CNOT10: variants seen among roughly 807,000 people sequenced by gnomAD.
CNOT10 encodes the protein CCR4-NOT transcription complex subunit 10.
CNOT10 carries 30 observed loss-of-function variants against 94.6 expected under a neutral mutation model. The observed-to-expected ratio is 0.32, with a 90% CI of 0.24 to 0.43. The LOEUF (loss-of-function observed/expected upper bound fraction) is 0.43, where lower values mean the gene tolerates loss of function less well. Ranked by LOEUF, CNOT10 falls within the 20% of genes least tolerant of loss-of-function variation. The pLI, the probability that CNOT10 is intolerant of heterozygous loss-of-function variation, is 1.00. For missense variants in CNOT10, 759 were observed against 877.2 expected (o/e 0.87, Z 1.70); for synonymous variants, 289 against 301.6 (o/e 0.96, Z 0.43).
intron 1 of CNOT10, among the ~76,000 whole-genome samples, chr3:32,692,843 C>G (rs756233896): frequency 1.3e-5 from 2 of 152,080 alleles, no homozygotes; most frequent in Non-Finnish European, 2.9e-5. Flanking sequence ...CCCAGGAGTT[C>G]AAGAGCAGCC....
At chr3:32,737,326 G>T in intron 12 of CNOT10, 84 bp from the exon 13 acceptor site, 1 of 885,278 alleles carries the variant, frequency 1.1e-6, no homozygotes, top group Non-Finnish European at 1.8e-6. Flanking sequence ...AAAAAAAGTT[G>T]GGAGTAAGGA....
intron 4 of CNOT10, among the ~76,000 whole-genome samples, chr3:32,710,023 G>C (rs1423786184): frequency 2.0e-5 from 3 of 151,768 alleles, no homozygotes; most frequent in South Asian, 4.2e-4. Context: ...GCACATGCCT[G>C]TAATCCCAGC....
intron 13 of CNOT10, chr3:32,753,005 G>A: frequency 2.1e-6 from 1 of 481,330 alleles, no homozygotes; most frequent in Non-Finnish European, 4.1e-6. Flanking sequence ...CGGCATTAGA[G>A]GAGCTGACTA....
chr3:32,704,325 G>T (rs1049947885), intron 2 of CNOT10, among the ~76,000 whole-genome samples: 6 of 151,942 alleles, frequency 3.9e-5, no homozygotes, highest in African/African-American at 1.5e-4. Flanking sequence ...TTTCTTGAAG[G>T]TACTTTAAAA....
intron 8 of CNOT10, among the ~76,000 whole-genome samples, chr3:32,725,230 T>A (rs571159452): frequency 6.6e-6 from 1 of 152,296 alleles, no homozygotes; most frequent in African/African-American, 2.4e-5. Flanking sequence ...TAGGACTGGT[T>A]TTTTTAAAAT....
intron 1 of CNOT10, among the ~76,000 whole-genome samples, chr3:32,689,049 A>G (rs535956216): frequency 1.3e-3 from 194 of 152,034 alleles, no homozygotes; most frequent in African/African-American, 4.5e-3. Flanking sequence ...CTAAAAATAC[A>G]AAAAAATTAG....
chr3:32,773,076 A>G (rs1700985037), intron 18 of CNOT10, among the ~76,000 whole-genome samples: 1 of 152,148 alleles, frequency 6.6e-6, no homozygotes, highest in Non-Finnish European at 1.5e-5. Flanking sequence ...CATGGTACCC[A>G]AGCTGGTCTC....
intron 10 of CNOT10, among the ~76,000 whole-genome samples, chr3:32,733,057 A>G (rs1330508971): frequency 1.3e-5 from 2 of 152,130 alleles, no homozygotes; most frequent in South Asian, 2.1e-4. Context: ...CTTTTACACT[A>G]TTTTGGGCTC....
At chr3:32,702,767 C>T (rs1206726105) in intron 1 of CNOT10, among the ~76,000 whole-genome samples, 2 of 152,134 alleles carry the variant, frequency 1.3e-5, no homozygotes, top group African/African-American at 4.8e-5. Context: ...ATATTCTCAG[C>T]TTGAATGTCC....
Position 32,685,390 on chromosome 3 carries a change from C to G in CNOT10, c.-71C>G. The G allele has an allele frequency of 6.5e-7, 1 of 1,536,824 alleles. No homozygotes were observed. The highest frequency in any genetic ancestry group is 8.8e-7 in the Non-Finnish European group (1 of 1,134,948). On this transcript the variant is annotated 5_prime_UTR_variant, in exon 1 of 19. Coordinates refer to ENST00000328834, the MANE Select transcript of CNOT10 (RefSeq NM_015442.3). ...CAGAGTTGTCCTCGGAGGTCCAGGA[C>G]AGCGGCCAGCCCGGCGGCGGGAGTC...
At chr3:32,699,310 T>G (rs1697225770) in intron 1 of CNOT10, among the ~76,000 whole-genome samples, 1 of 152,214 alleles carries the variant, frequency 6.6e-6, no homozygotes, top group South Asian at 2.1e-4. Context: ...TTGTAAATAT[T>G]TTTCCACATC....
intron 7 of CNOT10, among the ~76,000 whole-genome samples, chr3:32,719,174 G>A (rs558833657): frequency 2.2e-4 from 34 of 151,710 alleles, no homozygotes; most frequent in African/African-American, 7.3e-4. Flanking sequence ...GCTTGAACCC[G>A]GGAGGCGGAG....
chr3:32,717,104 G>C, intron 6 of CNOT10, 50 bp from the exon 7 acceptor site: 1 of 1,055,072 alleles, frequency 9.5e-7, no homozygotes, highest in Non-Finnish European at 1.4e-6. Flanking sequence ...AAGTAAAACT[G>C]TATGTAAATC....
In CNOT10 at chr3:32,713,240, C is replaced by T. The variant is rs142210935; in HGVS notation, c.444C>T (p.Ala148=). Residue 148 remains alanine, a synonymous_variant, in exon 5 of 19, where the codon GCC becomes GCT. Transcript: ENST00000328834. The stretch of plus-strand genomic sequence containing the variant: ...TTTTTCTCCCAGAAGAAAAATTTGC[C>T]CAAGCAGTGTGTTTTTTGCTTGTAG... ...QFIEPFEEKF[A]QAVCFLLVDL... is the part of the protein sequence containing the mutation. 2.9e-4 allele frequency: 449 copies of T among 1,568,534 alleles called. 2 individuals are homozygous for T. In the African/African-American group the frequency reaches 5.5e-3, roughly 19 times the overall value.
intron 5 of CNOT10, among the ~76,000 whole-genome samples, chr3:32,714,674 A>C (rs1197930566): frequency 6.6e-6 from 1 of 152,190 alleles, no homozygotes; most frequent in Non-Finnish European, 1.5e-5. Flanking sequence ...ACGCCACTGC[A>C]CTCCAGCCTG....
intron 1 of CNOT10, among the ~76,000 whole-genome samples, chr3:32,700,243 T>C (rs1224685579): frequency 6.6e-6 from 1 of 152,178 alleles, no homozygotes. Flanking sequence ...CCCAAAGTGC[T>C]GGGATTACAG....
intron 18 of CNOT10, among the ~76,000 whole-genome samples, chr3:32,772,675 C>T (rs929951006): frequency 2.6e-5 from 4 of 152,070 alleles, no homozygotes; most frequent in Non-Finnish European, 5.9e-5. Flanking sequence ...CTAGCCTGGG[C>T]CACAGAACAA....
intron 4 of CNOT10, 122 bp downstream of exon 4, chr3:32,708,942 T>C: frequency 1.4e-6 from 1 of 715,484 alleles, no homozygotes; most frequent in Non-Finnish European, 2.2e-6. Flanking sequence ...AAAAGCCGTA[T>C]CAGCTTTGCT....
intron 12 of CNOT10, 131 bp downstream of exon 12, chr3:32,735,107 G>A (rs1699127399): frequency 1.3e-6 from 1 of 751,232 alleles, no homozygotes; most frequent in Non-Finnish European, 2.1e-6. Context: ...TAACAAGAAA[G>A]GAAAGTATTT....
Sources: allele counts gnomAD v4.1 joint callset (sites outside exome capture counted in the v4.1 genomes callset), GRCh38; gene constraint gnomAD v4.1.1; transcripts MANE v1.5; gene names NCBI Gene and HGNC (gene_info 2026-07-23, HGNC 2026-07-21).